Variants in GRM7 observed in about 807,000 individuals in gnomAD.
GRM7 encodes the protein metabotropic glutamate receptor 7.
Under a neutral mutation model 84.5 loss-of-function variants are expected in GRM7, and 35 were observed. The observed-to-expected ratio is 0.41, with a 90% CI of 0.32 to 0.55. GRM7 has a LOEUF of 0.55. Among genes scored for constraint, GRM7 ranks in the 20% least tolerant of loss-of-function variants. GRM7 has a pLI of 0.19. For synonymous variants in GRM7, 487 were observed against 455.1 expected, an observed-to-expected ratio of 1.07 and a Z score of -0.89; for missense variants, 1,003 against 1,194.6, an observed-to-expected ratio of 0.84 and a Z score of 2.36.
At chr3:7,602,209 G>A (rs932403716) in intron 8 of GRM7, among the ~76,000 whole-genome samples, 4 of 152,050 alleles carry the variant, frequency 2.6e-5, no homozygotes, top group African/African-American at 4.8e-5. Context: ...GGTGCCCTTG[G>A]AATGGAATTG....
chr3:7,255,160 C>T (rs1181487765), intron 2 of GRM7, among the ~76,000 whole-genome samples: 1 of 151,504 alleles, frequency 6.6e-6, no homozygotes, highest in African/African-American at 2.5e-5. Flanking sequence ...AGTAGATTCT[C>T]TTCAAGGAAT....
At chr3:7,013,355 C>T (rs893736942) in intron 1 of GRM7, among the ~76,000 whole-genome samples, 4 of 152,084 alleles carry the variant, frequency 2.6e-5, no homozygotes, top group African/African-American at 9.7e-5. Flanking sequence ...CTTGTTAACT[C>T]ATGGTTTTTC....
At chr3:7,483,562 G>T (rs560072962) in intron 7 of GRM7, among the ~76,000 whole-genome samples, 19 of 152,328 alleles carry the variant, frequency 1.2e-4, no homozygotes, top group African/African-American at 4.6e-4. Context: ...AGGCCAGTCT[G>T]TCTTGGGCCT....
At chr3:7,223,198 A>G (rs759903022) in intron 2 of GRM7, among the ~76,000 whole-genome samples, 7 of 151,988 alleles carry the variant, frequency 4.6e-5, no homozygotes, top group Non-Finnish European at 7.4e-5. Flanking sequence ...GACTTTAAAT[A>G]TTTGGTTTCC....
intron 8 of GRM7, among the ~76,000 whole-genome samples, chr3:7,672,223 T>C (rs934241116): frequency 6.6e-6 from 1 of 152,298 alleles, no homozygotes; most frequent in African/African-American, 2.4e-5. Context: ...ACATTCTGTC[T>C]CATTCTCAGC....
chr3:7,369,412 ATT>A (rs35867631), intron 4 of GRM7, among the ~76,000 whole-genome samples: 59,299 of 147,766 alleles, frequency 0.4, 11,913 homozygotes, highest in East Asian at 0.58. Flanking sequence ...GCACACATTC[ATT>A]TTTTTTTTTT....
At chr3:7,279,721 C>A (rs569593894) in intron 2 of GRM7, among the ~76,000 whole-genome samples, 6 of 152,258 alleles carry the variant, frequency 3.9e-5, no homozygotes, top group Admixed American at 6.5e-5. Context: ...CAGCTGAACT[C>A]TGTTTCTATG....
chr3:6,878,046 C>T (rs532472656), intron 1 of GRM7, among the ~76,000 whole-genome samples: 44 of 151,924 alleles, frequency 2.9e-4, no homozygotes, highest in African/African-American at 1.1e-3. Context: ...AAATTCCATT[C>T]ATTTAAGACC....
intron 2 of GRM7, among the ~76,000 whole-genome samples, chr3:7,271,476 G>A (rs992497211): frequency 7.3e-5 from 11 of 150,920 alleles, no homozygotes; most frequent in Non-Finnish European, 1.0e-4. Flanking sequence ...GGAGAATGGC[G>A]TGAACCCGGG....
intron 5 of GRM7, among the ~76,000 whole-genome samples, chr3:7,443,280 CA>C (rs1697368007): frequency 6.6e-6 from 1 of 152,084 alleles, no homozygotes; most frequent in South Asian, 2.1e-4. Flanking sequence ...TAAACCTCTA[CA>C]TATGGTTTTA....
chr3:7,382,357 A>G (rs1055662974), intron 4 of GRM7, among the ~76,000 whole-genome samples: 33 of 152,052 alleles, frequency 2.2e-4, no homozygotes, highest in African/African-American at 8.0e-4. Context: ...GTCTCTTGTT[A>G]CTTTTTCTTC....
chr3:7,106,279 T>C (rs1209800346), intron 1 of GRM7, among the ~76,000 whole-genome samples: 1 of 151,906 alleles, frequency 6.6e-6, no homozygotes, highest in Non-Finnish European at 1.5e-5. Flanking sequence ...TTTTTCTTTT[T>C]TTTTTATTAT....
At chr3:7,562,681 G>A (rs938372393) in intron 7 of GRM7, among the ~76,000 whole-genome samples, 1 of 152,036 alleles carries the variant, frequency 6.6e-6, no homozygotes, top group African/African-American at 2.4e-5. Flanking sequence ...ACAGAATGTT[G>A]AGAGATAGAT....
intron 8 of GRM7, among the ~76,000 whole-genome samples, chr3:7,608,349 T>A (rs550402187): frequency 6.6e-6 from 1 of 152,298 alleles, no homozygotes; most frequent in South Asian, 2.1e-4. Context: ...CAACAGTATA[T>A]AAGCATTCCT....
intron 9 of GRM7, among the ~76,000 whole-genome samples, chr3:7,703,471 A>T (rs146854613): frequency 0.011 from 1,637 of 151,936 alleles, 37 homozygotes; most frequent in African/African-American, 0.038. Flanking sequence ...GATGGCCTAC[A>T]CCCTGGGCTG....
intron 4 of GRM7, among the ~76,000 whole-genome samples, chr3:7,387,567 T>G (rs1200176579): frequency 2.0e-5 from 3 of 152,228 alleles, no homozygotes; most frequent in Admixed American, 2.0e-4. Flanking sequence ...ATTGTTTATT[T>G]GCTGACTTTG....
At chr3:6,994,760 G>A (rs1421688668) in intron 1 of GRM7, among the ~76,000 whole-genome samples, 2 of 152,084 alleles carry the variant, frequency 1.3e-5, no homozygotes, top group Admixed American at 6.5e-5. Flanking sequence ...TTTAGTAATT[G>A]TACCACCTGA....
intron 1 of GRM7, among the ~76,000 whole-genome samples, chr3:7,028,184 G>T (rs763571590): frequency 6.6e-6 from 1 of 152,248 alleles, no homozygotes; most frequent in East Asian, 1.9e-4. Flanking sequence ...CATTTACAAA[G>T]TCAGCTTACT....
intron 1 of GRM7, among the ~76,000 whole-genome samples, chr3:6,891,054 C>A (rs1236786273): frequency 2.6e-5 from 4 of 152,128 alleles, no homozygotes; most frequent in Non-Finnish European, 4.4e-5. Flanking sequence ...AGGATTGCAA[C>A]CCCTGCCATT....
Sources: allele counts gnomAD v4.1 joint callset (sites outside exome capture counted in the v4.1 genomes callset), GRCh38; gene constraint gnomAD v4.1.1; transcripts MANE v1.5; gene names NCBI Gene and HGNC (gene_info 2026-07-23, HGNC 2026-07-21).